Variants in CBL observed in about 807,000 individuals in gnomAD.
CBL encodes the protein E3 ubiquitin-protein ligase CBL.
Under a neutral mutation model 96.9 loss-of-function variants are expected in CBL, and 45 were observed. The observed-to-expected ratio is 0.46, with a 90% CI of 0.37 to 0.60. CBL has a LOEUF of 0.60. Among genes scored for constraint, CBL ranks in the 20% least tolerant of loss-of-function variants. CBL has a pLI of 0.00. For missense variants in CBL, 1,024 were observed against 1,143.5 expected, an observed-to-expected ratio of 0.90 and a Z score of 1.51; for synonymous variants, 420 against 426.8, an observed-to-expected ratio of 0.98 and a Z score of 0.20.
At chr11:119,217,271 A>G (rs1474430108) in intron 1 of CBL, among the ~76,000 whole-genome samples, 1 of 152,124 alleles carries the variant, frequency 6.6e-6, no homozygotes, top group Non-Finnish European at 1.5e-5. Flanking sequence ...CATGTACCAC[A>G]GGCCCGGCTA....
rs112360309 is a variant in CBL at position 119,306,941 on chromosome 11, G to GA, written c.*7173dup. ...AAAACAAAACAATTTTTAGCACACT[G>GA]AAAAAAAAAAAAAGCCAAATGTTTT... On this transcript the variant is annotated 3_prime_UTR_variant, in exon 16 of 16. Transcript: ENST00000264033. 12,982 of 197,050 alleles carry GA rather than the reference G, an allele frequency of 0.066. 282 individuals are homozygous for GA. The highest frequency in any genetic ancestry group is 0.11 in the African/African-American group (4,313 of 40,520). 12.2% of individuals were successfully genotyped at this position (197,050 alleles called of 1,614,324 possible).
Position 119,223,347 on chromosome 11 carries a change from G to T in CBL, c.196-9101G>T, listed in dbSNP as rs1949426452. ...ATGCCTGGCCTTTTTAAAATTTTTG[G>T]TTTTTATTTTATTTTACTTTATTTT... On this transcript the variant is annotated intron_variant, in intron 1 of 15. Coordinates refer to ENST00000264033, the MANE Select transcript of CBL (RefSeq NM_005188.4). Among the ~76,000 whole-genome samples, 6 of 149,076 alleles carry T rather than the reference G, an allele frequency of 4.0e-5. No homozygotes were observed. In the South Asian group the frequency reaches 1.1e-3, roughly 26 times the overall value.
chr11:119,243,172 G>T (rs1180114400), intron 2 of CBL, among the ~76,000 whole-genome samples: 1 of 152,050 alleles, frequency 6.6e-6, no homozygotes, highest in Non-Finnish European at 1.5e-5. Context: ...CAGCTACTTG[G>T]CAAGCTGAGG....
rs777499142 is a variant in CBL at position 119,206,524 on chromosome 11, A to C, written c.107A>C (p.His36Pro). Residue 36 changes from histidine to proline, a missense_variant, in exon 1 of 16, where the codon CAC (histidine) becomes CCC (proline). Physicochemically the swap from His to Pro is moderately conservative, Grantham distance 77. Around this residue, in one of 4 missense-constraint regions of CBL, gnomAD observed 114 missense variants for 117.4 expected, o/e 0.97. Transcript: ENST00000264033. Reference sequence around the variant, plus strand: ...CTCATGAAGGACGCCTTCCAGCCGCACCACCACCACCACCACCACCTCAGC... The same window carrying C: ...CTCATGAAGGACGCCTTCCAGCCGCCCCACCACCACCACCACCACCTCAGC... Reference protein sequence around the residue: ...IGLMKDAFQPHHHHHHHLSPH... With the variant: ...IGLMKDAFQPPHHHHHHLSPH... 4.6e-6 allele frequency: 7 copies of C among 1,516,648 alleles called. No individual in the cohort carries two copies. The highest frequency in any genetic ancestry group is 2.0e-5 in the Admixed American group (1 of 49,278). The allele number at this position is 1,516,648 out of a possible 1,614,324, so 93.9% of individuals were successfully genotyped here.
intron 2 of CBL, among the ~76,000 whole-genome samples, chr11:119,252,647 G>A (rs1949677704): frequency 6.6e-6 from 1 of 152,100 alleles, no homozygotes; most frequent in African/African-American, 2.4e-5. Flanking sequence ...CCTGAGGTCA[G>A]GAGTTCGAGA....
At chr11:119,283,280 C>G (rs1949952197) in intron 9 of CBL, among the ~76,000 whole-genome samples, 1 of 152,206 alleles carries the variant, frequency 6.6e-6, no homozygotes, top group Non-Finnish European at 1.5e-5. Flanking sequence ...GCTGCATTGT[C>G]AGCTAATTGG....
At position 119,307,209 on chromosome 11, in the gene CBL, A is replaced by G. The variant is rs1449359936; in HGVS notation, c.*7428A>G. The G allele has an allele frequency of 4.3e-6, 1 of 232,314 alleles. No individual in the cohort carries two copies. The highest frequency in any genetic ancestry group is 8.5e-6 in the Non-Finnish European group (1 of 117,270). 14.4% of individuals were successfully genotyped at this position (232,314 alleles called of 1,614,324 possible). A position where few individuals can be genotyped will look rare whatever the true frequency, so the allele number is the denominator to read the frequency against. On this transcript the variant is annotated 3_prime_UTR_variant, in exon 16 of 16. Transcript: ENST00000264033. ...ACCCTGGGATCATTTGGTTGGTTCCAATCACAAGCTTAGTTATCAGGTTGC... is the reference window on the plus strand; with the variant it reads ...ACCCTGGGATCATTTGGTTGGTTCCGATCACAAGCTTAGTTATCAGGTTGC...
chr11:119,281,494 CTTTTTTTT>C (rs34775460), intron 9 of CBL, among the ~76,000 whole-genome samples: 1 of 125,824 alleles, frequency 7.9e-6, no homozygotes, highest in Admixed American at 7.9e-5. Flanking sequence ...CACCAAAAGC[CTTTTTTTT>C]TTTTTTTTTT....
intron 9 of CBL, among the ~76,000 whole-genome samples, chr11:119,280,363 G>A (rs1327442333): frequency 6.6e-6 from 1 of 152,060 alleles, no homozygotes; most frequent in Non-Finnish European, 1.5e-5. Context: ...TTTATTCCTT[G>A]TACTTTATAG....
At chr11:119,295,524 C>G (rs766730343) in intron 12 of CBL, among the ~76,000 whole-genome samples, 2 of 151,898 alleles carry the variant, frequency 1.3e-5, no homozygotes, top group Non-Finnish European at 2.9e-5. Flanking sequence ...GAGTTTAAGA[C>G]CAGCCTGGGC....
chr11:119,292,938 C>T (rs925267054), intron 12 of CBL, among the ~76,000 whole-genome samples: 3 of 152,154 alleles, frequency 2.0e-5, no homozygotes, highest in African/African-American at 4.8e-5. Context: ...ACAGTATTTT[C>T]GACTGGGTTT....
intron 1 of CBL, among the ~76,000 whole-genome samples, chr11:119,224,591 T>A (rs1407429368): frequency 1.3e-5 from 2 of 152,186 alleles, no homozygotes; most frequent in Non-Finnish European, 2.9e-5. Context: ...ACATTATTTT[T>A]TGTATTTTTT....
chr11:119,298,599 A>G (rs1565272730), intron 15 of CBL, 59 bp downstream of exon 15: 3 of 1,436,142 alleles, frequency 2.1e-6, no homozygotes, highest in South Asian at 2.3e-5. Context: ...GTATGTTTAT[A>G]TTGAAAGGGA....
chr11:119,290,144 C>A (rs1021909575), intron 12 of CBL, among the ~76,000 whole-genome samples: 2 of 152,066 alleles, frequency 1.3e-5, no homozygotes, highest in Admixed American at 6.5e-5. Flanking sequence ...TTCCCAGGCT[C>A]AAGTGATCCT....
chr11:119,255,455 T>C (rs986614771), intron 2 of CBL, among the ~76,000 whole-genome samples: 1 of 152,220 alleles, frequency 6.6e-6, no homozygotes, highest in African/African-American at 2.4e-5. Context: ...CCCTGTATTA[T>C]GTTACTGCAG....
chr11:119,273,084 C>T (rs1949860856), intron 3 of CBL, among the ~76,000 whole-genome samples: 1 of 151,808 alleles, frequency 6.6e-6, no homozygotes. Flanking sequence ...TGGATTCAAG[C>T]AGTTCTCCCA....
chr11:119,287,789 A>G (rs760385792), intron 11 of CBL, 63 bp from the exon 12 acceptor site: 18 of 1,033,500 alleles, frequency 1.7e-5, no homozygotes, highest in Non-Finnish European at 2.3e-5. Flanking sequence ...AAAAGGTTCA[A>G]TAAGAGCAGA....
At chr11:119,215,280 A>G (rs964906268) in intron 1 of CBL, among the ~76,000 whole-genome samples, 4 of 152,172 alleles carry the variant, frequency 2.6e-5, no homozygotes, top group African/African-American at 7.2e-5. Context: ...ATCATGGTCA[A>G]ATTGGTCCTG....
chr11:119,292,163 T>G (rs1276840083), intron 12 of CBL, among the ~76,000 whole-genome samples: 1 of 151,960 alleles, frequency 6.6e-6, no homozygotes, highest in African/African-American at 2.4e-5. Context: ...CTCCTTTTCT[T>G]TTTCAGACAC....
Sources: gnomAD v4.1 joint callset for allele counts (sites outside exome capture counted in the v4.1 genomes callset) on GRCh38, gnomAD v4.1.1 for gene constraint, gnomAD v4.1.1 regional missense constraint, MANE v1.5 for transcripts, NCBI Gene and HGNC (gene_info 2026-07-23, HGNC 2026-07-21) for gene names.